Variants in DNAH11 observed in about 807,000 individuals in gnomAD.
DNAH11 encodes axonemal beta dynein heavy chain 11.
A neutral mutation model predicts 526.0 loss-of-function variants in DNAH11; 442 were observed. The observed-to-expected ratio is 0.84, with a 90% CI of 0.78 to 0.91. The LOEUF (loss-of-function observed/expected upper bound fraction) is 0.91. Among genes scored for constraint, DNAH11 ranks in the 40% least tolerant of loss-of-function variants. The probability of loss-of-function intolerance (pLI) is 0.00; values close to 1 mark genes in which losing one functional copy is unlikely to be tolerated. For synonymous variants in DNAH11, 2,461 were observed against 1,935.9 expected (o/e 1.27, Z -7.12); for missense variants, 6,989 against 5,448.7 (o/e 1.28, Z -8.90).
chr7:21,586,483 A>T (rs956978224), intron 9 of DNAH11, among the ~76,000 whole-genome samples: 10 of 152,216 alleles, frequency 6.6e-5, no homozygotes, highest in African/African-American at 2.4e-4. Flanking sequence ...CACCAGAAAA[A>T]GTCAGAATGT....
At position 21,682,596 on chromosome 7, in the gene DNAH11, A is replaced by C. The variant is rs540885379; in HGVS notation, c.5460+919A>C. 2.6e-5 allele frequency among the ~76,000 whole-genome samples: 4 copies of C among 151,758 alleles called. No homozygotes were observed. In the South Asian group the frequency reaches 8.4e-4, roughly 32 times the overall value. On this transcript the variant is annotated intron_variant, in intron 31 of 81. Coordinates refer to ENST00000409508, the MANE Select transcript of DNAH11 (RefSeq NM_001277115.2). ...TTGGCAGTGTTTAATGTGAAAGGAGAATTTTCTCATCCTTCTTTCCAAAAT... is the reference window on the plus strand; with the variant it reads ...TTGGCAGTGTTTAATGTGAAAGGAGCATTTTCTCATCCTTCTTTCCAAAAT...
chr7:21,783,645 C>T (rs1205590476), intron 57 of DNAH11, among the ~76,000 whole-genome samples: 2 of 151,092 alleles, frequency 1.3e-5, no homozygotes, highest in African/African-American at 4.9e-5. Flanking sequence ...CCACTTCCCA[C>T]CCCCGCCCTG....
chr7:21,656,158 T>C (rs572256923), intron 29 of DNAH11, among the ~76,000 whole-genome samples, 177 bp downstream of exon 29: 3 of 152,254 alleles, frequency 2.0e-5, no homozygotes, highest in Non-Finnish European at 4.4e-5. Context: ...CTGCCATGCG[T>C]CCCAGTTTCT....
At chr7:21,843,260 TA>T (rs1338340079) in intron 66 of DNAH11, among the ~76,000 whole-genome samples, 1 of 151,862 alleles carries the variant, frequency 6.6e-6, no homozygotes, top group African/African-American at 2.4e-5. Context: ...AAGGCAATAA[TA>T]AAGATAAAAT....
chr7:21,568,443 C>T (rs1471411536), intron 6 of DNAH11, among the ~76,000 whole-genome samples: 1 of 152,168 alleles, frequency 6.6e-6, no homozygotes, highest in African/African-American at 2.4e-5. Context: ...TCTGAGACAA[C>T]TTAGCTAGTA....
At chr7:21,844,727 T>C (rs1782348787) in intron 66 of DNAH11, among the ~76,000 whole-genome samples, 2 of 152,162 alleles carry the variant, frequency 1.3e-5, no homozygotes, top group Non-Finnish European at 1.5e-5. Context: ...GAAACTCTGG[T>C]TGGGGGTCCA....
Position 21,900,073 on chromosome 7 carries a change from G to A in DNAH11, c.13256G>A (p.Gly4419Glu), listed in dbSNP as rs1554294137. The change falls in exon 81 of 82, where the codon GGA becomes GAA. Residue 4419 changes from glycine (G) to glutamate (E), a missense_variant. Gly to Glu is a moderately conservative substitution (Grantham distance 98). Coordinates refer to ENST00000409508, the MANE Select transcript of DNAH11 (RefSeq NM_001277115.2). The stretch of plus-strand genomic sequence containing the variant: ...ACCAAAAAAACAAAGGAAGATTATG[G>A]ACACCCGCCAAGGGAAGGTGCATAC... ...DVTKKTKEDY[G>E]HPPREGAYLH... The A allele has an allele frequency of 6.2e-7, 1 of 1,613,810 alleles. No homozygotes were observed. The highest frequency in any genetic ancestry group is 8.5e-7 in the Non-Finnish European group (1 of 1,179,858).
intron 2 of DNAH11, among the ~76,000 whole-genome samples, chr7:21,550,219 GT>G (rs1415106044): frequency 6.6e-6 from 1 of 152,104 alleles, no homozygotes; most frequent in Non-Finnish European, 1.5e-5. Flanking sequence ...AGCCAGCTCA[GT>G]GGTCGGGAGC....
chr7:21,692,009 G>C (rs1381285380), intron 35 of DNAH11, among the ~76,000 whole-genome samples: 1 of 152,204 alleles, frequency 6.6e-6, no homozygotes, highest in African/African-American at 2.4e-5. Context: ...CTTAGCAGGA[G>C]TCTGTAAGAG....
chr7:21,845,219 T>A (rs1782374286), intron 66 of DNAH11, among the ~76,000 whole-genome samples: 1 of 152,220 alleles, frequency 6.6e-6, no homozygotes, highest in Non-Finnish European at 1.5e-5. Context: ...CAAAAGTTTT[T>A]AATTTTGGTA....
intron 54 of DNAH11, among the ~76,000 whole-genome samples, chr7:21,763,822 A>G (rs986682272): frequency 6.7e-6 from 1 of 149,984 alleles, no homozygotes; most frequent in African/African-American, 2.5e-5. Flanking sequence ...ACATATATAT[A>G]CATATATATA....
Position 21,816,641 on chromosome 7 carries a change from A to G in DNAH11, c.10507A>G (p.Ile3503Val). Residue 3503 changes from isoleucine (I) to valine (V), a missense_variant, in exon 64 of 82, where the codon ATT becomes GTT. By Grantham distance (29) the Ile-to-Val change is conservative. Transcript: ENST00000409508. ...GGTGATAGATCCCCAGCAACAGGGAATTAAGTGGATCAAGAATAAGTATGG... is the reference window on the plus strand; with the variant it reads ...GGTGATAGATCCCCAGCAACAGGGAGTTAAGTGGATCAAGAATAAGTATGG... ...PLVIDPQQQG[I>V]KWIKNKYGMD... The G allele has an allele frequency of 6.2e-7, 1 of 1,613,700 alleles. No individual in the cohort carries two copies. The highest frequency in any genetic ancestry group is 8.5e-7 in the Non-Finnish European group (1 of 1,179,758).
At chr7:21,864,139 A>C (rs757892758) in intron 69 of DNAH11, among the ~76,000 whole-genome samples, 4 of 152,240 alleles carry the variant, frequency 2.6e-5, no homozygotes, top group Non-Finnish European at 5.9e-5. Flanking sequence ...ACTATACCAG[A>C]ATTAACTAAT....
chr7:21,794,875 T>C (rs1211759076), intron 61 of DNAH11, among the ~76,000 whole-genome samples: 2 of 152,212 alleles, frequency 1.3e-5, no homozygotes, highest in Non-Finnish European at 2.9e-5. Context: ...CTTTCTCCAG[T>C]GTAGGAACTA....
chr7:21,686,059 C>T (rs1783363383), intron 32 of DNAH11, among the ~76,000 whole-genome samples: 1 of 152,166 alleles, frequency 6.6e-6, no homozygotes, highest in Admixed American at 6.5e-5. Context: ...AGTCTGGGAG[C>T]CTTTTCACTC....
chr7:21,694,765 G>A (rs1473992311), intron 35 of DNAH11, among the ~76,000 whole-genome samples: 1 of 152,134 alleles, frequency 6.6e-6, no homozygotes, highest in Admixed American at 6.5e-5. Context: ...GATCCTTGAG[G>A]AATTGCCACA....
In DNAH11 at chr7:21,704,540, C is replaced by A. The variant is rs368090876; in HGVS notation, c.6380C>A (p.Pro2127His). The A allele has an allele frequency of 1.9e-6, 3 of 1,613,658 alleles. No individual in the cohort carries two copies. The highest frequency in any genetic ancestry group is 2.5e-6 in the Non-Finnish European group (3 of 1,179,824). The change falls in exon 38 of 82, where the codon CCC becomes CAC. Residue 2127 changes from proline to histidine, a missense_variant. Coordinates refer to ENST00000409508, the MANE Select transcript of DNAH11 (RefSeq NM_001277115.2). The stretch of plus-strand genomic sequence containing the variant: ...GACCTGTTTCCAGCCCTGGATGTGC[C>A]CCGGAGGAGGAAGCTGCACTTTGAA... ...VGDLFPALDVPRRRKLHFEQM... is the reference protein window; with the variant it reads ...VGDLFPALDVHRRRKLHFEQM...
chr7:21,805,299 T>C (rs1789213791), intron 62 of DNAH11, among the ~76,000 whole-genome samples: 1 of 152,184 alleles, frequency 6.6e-6, no homozygotes, highest in Non-Finnish European at 1.5e-5. Flanking sequence ...TTTTGGTCTT[T>C]TTTTCCCCAA....
chr7:21,843,638 GC>G (rs763239945), intron 66 of DNAH11, among the ~76,000 whole-genome samples: 18 of 151,800 alleles, frequency 1.2e-4, no homozygotes, highest in Non-Finnish European at 2.6e-4. Flanking sequence ...GCACCACCAC[GC>G]CCAGCTAATT....
Sources: gnomAD v4.1 joint callset for allele counts (sites outside exome capture counted in the v4.1 genomes callset) on GRCh38, gnomAD v4.1.1 for gene constraint, MANE v1.5 for transcripts, NCBI Gene and HGNC (gene_info 2026-07-23, HGNC 2026-07-21) for gene names.